Variants in SPTLC3 observed in about 807,000 individuals in gnomAD.
SPTLC3 encodes the protein serine palmitoyltransferase long chain base subunit 3, also known as serine palmitoyltransferase 3.
Under a neutral mutation model 59.3 loss-of-function variants are expected in SPTLC3, and 36 were observed. That is an observed-to-expected ratio of 0.61 (90% CI 0.47 to 0.80). The LOEUF is 0.80. Among genes scored for constraint, SPTLC3 ranks in the 30% least tolerant of loss-of-function variants. The pLI, the probability that SPTLC3 is intolerant of heterozygous loss-of-function variation, is 0.00. For missense variants in SPTLC3, 625 were observed against 685.1 expected, an observed-to-expected ratio of 0.91 and a Z score of 0.98; for synonymous variants, 257 against 240.8, an observed-to-expected ratio of 1.07 and a Z score of -0.62.
intron 2 of SPTLC3, among the ~76,000 whole-genome samples, chr20:13,051,351 T>C (rs1044723369): frequency 2.0e-5 from 3 of 152,240 alleles, no homozygotes; most frequent in Admixed American, 2.0e-4. Context: ...AGGGACATTA[T>C]GTAATGGTAA....
At chr20:13,108,357 C>T (rs1002914261) in intron 6 of SPTLC3, among the ~76,000 whole-genome samples, 10 of 152,212 alleles carry the variant, frequency 6.6e-5, no homozygotes, top group Non-Finnish European at 1.5e-4. Flanking sequence ...AAAGTTAATG[C>T]AGCCACTAAT....
intron 1 of SPTLC3, among the ~76,000 whole-genome samples, chr20:13,040,291 A>G (rs932215014): frequency 2.0e-5 from 3 of 152,074 alleles, no homozygotes; most frequent in Admixed American, 2.0e-4. Flanking sequence ...CAATGAATTT[A>G]TACATATTGT....
chr20:13,013,376 T>G (rs542129026), intron 1 of SPTLC3, among the ~76,000 whole-genome samples: 1 of 152,272 alleles, frequency 6.6e-6, no homozygotes, highest in East Asian at 1.9e-4. Flanking sequence ...TAAGTACCTG[T>G]GTCTGTGGGG....
intron 6 of SPTLC3, among the ~76,000 whole-genome samples, chr20:13,107,431 A>G (rs937574146): frequency 6.6e-6 from 1 of 152,246 alleles, no homozygotes; most frequent in African/African-American, 2.4e-5. Context: ...CAGAGGGAAG[A>G]AGCTTAAAAG....
intron 9 of SPTLC3, among the ~76,000 whole-genome samples, chr20:13,138,096 C>T (rs2038291810): frequency 6.6e-6 from 1 of 152,172 alleles, no homozygotes; most frequent in Admixed American, 6.5e-5. Context: ...TTACTCAGTC[C>T]ACCCCCACAG....
At chr20:13,103,423 A>G (rs1187939828) in intron 6 of SPTLC3, among the ~76,000 whole-genome samples, 1 of 152,208 alleles carries the variant, frequency 6.6e-6, no homozygotes, top group East Asian at 1.9e-4. Context: ...GAGTGGATAT[A>G]GAGATGGGGG....
chr20:13,012,513 G>C (rs1206978883), intron 1 of SPTLC3, among the ~76,000 whole-genome samples: 1 of 152,150 alleles, frequency 6.6e-6, no homozygotes, highest in African/African-American at 2.4e-5. Context: ...CTAGTGCAAG[G>C]ACAAGAGCTG....
intron 9 of SPTLC3, among the ~76,000 whole-genome samples, chr20:13,134,938 C>A (rs778126742): frequency 6.6e-6 from 1 of 152,194 alleles, no homozygotes; most frequent in Non-Finnish European, 1.5e-5. Context: ...TCCCCATGAC[C>A]ACTTTGGCAT....
In SPTLC3 at chr20:13,009,355, A is replaced by C; in HGVS notation, c.88A>C (p.Thr30Pro). Residue 30 changes from threonine (T) to proline (P), a missense_variant, in exon 1 of 12, where the codon ACA becomes CCA. Thr to Pro is a conservative substitution (Grantham distance 38, BLOSUM62 -1). Coordinates refer to ENST00000399002, the MANE Select transcript of SPTLC3 (RefSeq NM_018327.4). ...CAATGGCTCACAAAGCAGAAACTGC[A>C]CAAAGAATGGAATAGTGAAGGAAGC... The part of the protein sequence containing the change: ...QSNGSQSRNC[T>P]KNGIVKEAQQ... 1 of 1,614,134 alleles carries C rather than the reference A, an allele frequency of 6.2e-7. No homozygotes were observed. The highest frequency in any genetic ancestry group is 8.5e-7 in the Non-Finnish European group (1 of 1,179,982).
chr20:13,055,207 G>T (rs938216410), intron 2 of SPTLC3, among the ~76,000 whole-genome samples: 2 of 151,916 alleles, frequency 1.3e-5, no homozygotes, highest in Admixed American at 6.6e-5. Context: ...TGGCAAAATG[G>T]TGGCCACAGA....
chr20:13,038,860 A>T (rs1370057783), intron 1 of SPTLC3, among the ~76,000 whole-genome samples: 2 of 152,096 alleles, frequency 1.3e-5, no homozygotes, highest in Non-Finnish European at 2.9e-5. Flanking sequence ...TATTTATCTC[A>T]AAGTGTCTTC....
At chr20:13,143,048 T>C (rs560429257) in intron 9 of SPTLC3, among the ~76,000 whole-genome samples, 28 of 152,376 alleles carry the variant, frequency 1.8e-4, no homozygotes, top group African/African-American at 6.7e-4. Context: ...ATAGGAGGAC[T>C]TTATGTAGTT....
Position 13,091,097 on chromosome 20 carries a change from C to T in SPTLC3, c.622C>T (p.His208Tyr). The T allele has an allele frequency of 1.9e-6, 3 of 1,613,882 alleles. No individual in the cohort carries two copies. Among genetic ancestry groups the T allele is most frequent in the Non-Finnish European group, 2.5e-6 (3 of 1,179,850 alleles). ...TRHEMGTLDK[H>Y]KELEDLVAKF... The stretch of plus-strand genomic sequence containing the variant: ...TTTATGTGCAGGCACCTTGGATAAG[C>T]ACAAGGAGTTGGAGGACCTTGTGGC... Residue 208 changes from histidine to tyrosine, a missense_variant, in exon 5 of 12, where the codon CAC (histidine) becomes TAC (tyrosine). Physicochemically the swap from His to Tyr is moderately conservative, Grantham distance 83. Coordinates refer to ENST00000399002, the MANE Select transcript of SPTLC3 (RefSeq NM_018327.4).
intron 1 of SPTLC3, among the ~76,000 whole-genome samples, chr20:13,043,038 A>G (rs927938640): frequency 1.3e-5 from 2 of 152,184 alleles, no homozygotes; most frequent in South Asian, 2.1e-4. Context: ...CTCTTATTCT[A>G]TAACACTCAC....
rs760639046 is a variant in SPTLC3 at position 13,091,182 on chromosome 20, T to A, written c.707T>A (p.Met236Lys). Residue 236 changes from methionine (M) to lysine (K), a missense_variant, in exon 5 of 12, where the codon ATG becomes AAG. Transcript: ENST00000399002. ...VFGMGFATNS[M>K]NIPALVGKGC... ...GGGATGGGATTCGCAACTAACTCAA[T>A]GAATATCCCAGCATTAGTTGGAAAG... 4 of 1,613,888 alleles carry A rather than the reference T, an allele frequency of 2.5e-6. No homozygotes were observed. In the South Asian group the frequency reaches 4.4e-5, roughly 18 times the overall value.
intron 8 of SPTLC3, among the ~76,000 whole-genome samples, chr20:13,125,803 A>G (rs1315036576): frequency 6.6e-6 from 1 of 152,196 alleles, no homozygotes; most frequent in East Asian, 1.9e-4. Flanking sequence ...CCACCACACC[A>G]TCACCTCTGC....
At chr20:13,159,359 A>G (rs974881157) in intron 10 of SPTLC3, among the ~76,000 whole-genome samples, 5 of 152,176 alleles carry the variant, frequency 3.3e-5, no homozygotes, top group Non-Finnish European at 5.9e-5. Flanking sequence ...ATCCCTGTGC[A>G]TCCCTGGGCA....
intron 1 of SPTLC3, among the ~76,000 whole-genome samples, chr20:13,042,130 T>C (rs1391241234): frequency 6.6e-6 from 1 of 152,238 alleles, no homozygotes; most frequent in African/African-American, 2.4e-5. Flanking sequence ...TCTTCATAGC[T>C]ATCAATTTCC....
At chr20:13,164,709 A>G (rs2038961800) in intron 11 of SPTLC3, 45 bp from the exon 12 acceptor site, 1 of 1,456,536 alleles carries the variant, frequency 6.9e-7, no homozygotes, top group Non-Finnish European at 9.6e-7. Context: ...AAGCAGGGCT[A>G]CTTAGGTGTT....
Sources: allele counts gnomAD v4.1 joint callset (sites outside exome capture counted in the v4.1 genomes callset), GRCh38; gene constraint gnomAD v4.1.1; transcripts MANE v1.5; gene names NCBI Gene and HGNC (gene_info 2026-07-23, HGNC 2026-07-21).